EXOC6B: variants seen among roughly 807,000 people sequenced by gnomAD.
EXOC6B encodes the protein SEC15 homolog B.
A neutral mutation model predicts 113.5 loss-of-function variants in EXOC6B; 54 were observed. The observed-to-expected ratio is 0.48, with a 90% confidence interval of 0.38 to 0.60. The LOEUF is 0.60. Ranked by LOEUF, EXOC6B falls within the 20% of genes least tolerant of loss-of-function variation. EXOC6B has a pLI of 0.00. For missense variants in EXOC6B, 797 were observed against 977.5 expected, an observed-to-expected ratio of 0.82 and a Z score of 2.46; for synonymous variants, 357 against 339.0, an observed-to-expected ratio of 1.05 and a Z score of -0.58.
intron 20 of EXOC6B, among the ~76,000 whole-genome samples, chr2:72,319,906 GC>G (rs1333474943): frequency 1.4e-4 from 22 of 151,970 alleles, no homozygotes; most frequent in African/African-American, 5.3e-4. Context: ...TGCGATCTCA[GC>G]CCACTACAAC....
At chr2:72,321,821 G>A (rs1275293133) in intron 20 of EXOC6B, among the ~76,000 whole-genome samples, 1 of 152,066 alleles carries the variant, frequency 6.6e-6, no homozygotes, top group Non-Finnish European at 1.5e-5. Context: ...ATACAACTGT[G>A]TAAGTTTGTA....
chr2:72,696,198 T>C (rs1393447199), intron 6 of EXOC6B, among the ~76,000 whole-genome samples: 1 of 152,208 alleles, frequency 6.6e-6, no homozygotes, highest in Non-Finnish European at 1.5e-5. Flanking sequence ...GTTATTTTCT[T>C]TCAGTTTATT....
rs1484330570 is a variant in EXOC6B, at chr2:72,783,172, ATC to A, written c.114-41705_114-41704del. 2.1e-5 allele frequency among the ~76,000 whole-genome samples: 3 copies of A among 145,242 alleles called. No homozygotes were observed. In the East Asian group the frequency reaches 5.9e-4, roughly 29 times the overall value. On this transcript the variant is annotated intron_variant, in intron 1 of 21. Transcript: ENST00000272427. ...CCCTTTACTCCATACCCTTTCCAATATCTGTTTGTTGGGGTTTTTTTTTTTTG... is the reference window on the plus strand; with the variant it reads ...CCCTTTACTCCATACCCTTTCCAATATGTTTGTTGGGGTTTTTTTTTTTTG...
intron 1 of EXOC6B, among the ~76,000 whole-genome samples, chr2:72,788,370 C>T (rs1304482571): frequency 6.6e-6 from 1 of 152,218 alleles, no homozygotes; most frequent in African/African-American, 2.4e-5. Flanking sequence ...TAGCAAACAA[C>T]ACAGCATCAG....
chr2:72,529,891 C>T (rs1352505942), intron 8 of EXOC6B, among the ~76,000 whole-genome samples: 3 of 152,148 alleles, frequency 2.0e-5, no homozygotes, highest in African/African-American at 7.2e-5. Flanking sequence ...ATGTCTTTTA[C>T]ACTGTCAAAT....
At chr2:72,579,315 G>C (rs1181742978) in intron 6 of EXOC6B, among the ~76,000 whole-genome samples, 1 of 152,120 alleles carries the variant, frequency 6.6e-6, no homozygotes, top group East Asian at 1.9e-4. Flanking sequence ...TGGGTATCCA[G>C]GTGAAAATGA....
chr2:72,212,538 T>C (rs976126495), intron 20 of EXOC6B, among the ~76,000 whole-genome samples: 69 of 152,174 alleles, frequency 4.5e-4, no homozygotes, highest in South Asian at 2.1e-4. Context: ...CCTGAGTGCA[T>C]AATAAAACGC....
At chr2:72,418,777 T>C (rs1456785935) in intron 18 of EXOC6B, among the ~76,000 whole-genome samples, 2 of 152,154 alleles carry the variant, frequency 1.3e-5, no homozygotes, top group African/African-American at 2.4e-5. Context: ...CTCTGTCCTT[T>C]GACTGGAGAG....
chr2:72,571,483 T>A (rs1440485858), intron 7 of EXOC6B, among the ~76,000 whole-genome samples: 1 of 152,124 alleles, frequency 6.6e-6, no homozygotes, highest in African/African-American at 2.4e-5. Flanking sequence ...ATGATTAGTT[T>A]TTTTAAAACA....
chr2:72,359,655 G>T (rs1019752456), intron 19 of EXOC6B, among the ~76,000 whole-genome samples: 1 of 152,164 alleles, frequency 6.6e-6, no homozygotes, highest in African/African-American at 2.4e-5. Flanking sequence ...AGAATGTTTG[G>T]AATTAGTTAG....
At chr2:72,708,557 T>C (rs1012605824) in intron 6 of EXOC6B, among the ~76,000 whole-genome samples, 1 of 152,126 alleles carries the variant, frequency 6.6e-6, no homozygotes, top group Non-Finnish European at 1.5e-5. Context: ...AGATCAGTCA[T>C]TGCCAGGGGT....
chr2:72,711,689 G>A (rs1348019072), intron 6 of EXOC6B, among the ~76,000 whole-genome samples: 1 of 152,054 alleles, frequency 6.6e-6, no homozygotes, highest in Non-Finnish European at 1.5e-5. Flanking sequence ...CATTACTCTT[G>A]CACTTTGGAG....
intron 20 of EXOC6B, among the ~76,000 whole-genome samples, chr2:72,225,885 C>G (rs1455260575): frequency 6.6e-6 from 1 of 152,084 alleles, no homozygotes; most frequent in Non-Finnish European, 1.5e-5. Context: ...GTATATAAAT[C>G]TGTAGGACTG....
intron 5 of EXOC6B, among the ~76,000 whole-genome samples, chr2:72,730,008 C>T (rs1369901142): frequency 6.6e-6 from 1 of 152,004 alleles, no homozygotes; most frequent in African/African-American, 2.4e-5. Context: ...GGAAGATATG[C>T]TTTGATTATC....
At chr2:72,333,133 G>T (rs1035083149) in intron 20 of EXOC6B, among the ~76,000 whole-genome samples, 1 of 151,652 alleles carries the variant, frequency 6.6e-6, no homozygotes, top group African/African-American at 2.4e-5. Context: ...TGGATTTTGG[G>T]TTTCTACTAT....
intron 18 of EXOC6B, among the ~76,000 whole-genome samples, chr2:72,441,461 T>A (rs1696195630): frequency 6.6e-6 from 1 of 151,476 alleles, no homozygotes; most frequent in Non-Finnish European, 1.5e-5. Flanking sequence ...AAGAAACTTT[T>A]TTTGAAAAAA....
chr2:72,737,108 G>A (rs750991296), intron 2 of EXOC6B, among the ~76,000 whole-genome samples: 2 of 151,968 alleles, frequency 1.3e-5, no homozygotes, highest in African/African-American at 2.4e-5. Context: ...AGGCTGAGAC[G>A]GTCAGATCAC....
rs150753494 is a variant in EXOC6B, at chr2:72,264,424, A to G, written c.2196+70523T>C. Reference sequence around the variant, plus strand: ...CGTCTCTACAAAAATACAAAAAATTAGCCAGGCGTGATGGCAGGTGCCTAT... The same window carrying G: ...CGTCTCTACAAAAATACAAAAAATTGGCCAGGCGTGATGGCAGGTGCCTAT... On this transcript the variant is annotated intron_variant, in intron 20 of 21. Transcript: ENST00000272427. 2.0e-3 allele frequency among the ~76,000 whole-genome samples: 297 copies of G among 152,234 alleles called. 2 individuals are homozygous for G. Among genetic ancestry groups the G allele is most frequent in the African/African-American group, 6.2e-3 (259 of 41,552 alleles).
chr2:72,570,268 C>T (rs1704437828), intron 7 of EXOC6B, among the ~76,000 whole-genome samples: 1 of 152,074 alleles, frequency 6.6e-6, no homozygotes, highest in Non-Finnish European at 1.5e-5. Flanking sequence ...AGAAACTAAC[C>T]CTGGTGGAAC....
Sources: allele counts gnomAD v4.1 joint callset (sites outside exome capture counted in the v4.1 genomes callset), GRCh38; gene constraint gnomAD v4.1.1; transcripts MANE v1.5; gene names NCBI Gene and HGNC (gene_info 2026-07-23, HGNC 2026-07-21).